The following REM2 variants were observed in gnomAD, a reference collection of about 807,000 sequenced individuals.
REM2 encodes the protein RRAD and GEM like GTPase 2.
A neutral mutation model predicts 24.4 loss-of-function variants in REM2; 24 were observed. That is an observed-to-expected ratio of 0.98 (90% CI 0.71 to 1.38). REM2 has a LOEUF of 1.38. Among genes scored for constraint, REM2 ranks in the 40% most tolerant of loss-of-function variants. The probability of loss-of-function intolerance (pLI) is 0.00; values close to 1 mark genes in which losing one functional copy is unlikely to be tolerated. For missense variants in REM2, 429 were observed against 467.8 expected (o/e 0.92, Z 0.77); for synonymous variants, 187 against 198.0 (o/e 0.94, Z 0.47).
rs753948267 is a variant in REM2, at chr14:22,883,243, G to A, written c.-45G>A. On this transcript the variant is annotated 5_prime_UTR_variant, in exon 1 of 5. Transcript: ENST00000267396. The stretch of plus-strand genomic sequence containing the variant: ...TGCTGAGTGAGGGAGAGGGTGCTGC[G>A]AGCTGCTGGGCTGCACACGCACACG... 12 of 1,049,398 alleles carry A rather than the reference G, an allele frequency of 1.1e-5. No homozygotes were observed. Among genetic ancestry groups the A allele is most frequent in the African/African-American group, 6.4e-5 (4 of 62,742 alleles). 65.0% of individuals were successfully genotyped at this position (1,049,398 alleles called of 1,614,324 possible).
chr14:22,886,454 A>G lies in REM2; in HGVS notation c.728-160A>G. 1 of 738,712 alleles carries G rather than the reference A, an allele frequency of 1.4e-6. No individual in the cohort carries two copies. Among genetic ancestry groups the G allele is most frequent in the Non-Finnish European group, 2.2e-6 (1 of 462,706 alleles). 45.8% of individuals were successfully genotyped at this position (738,712 alleles called of 1,614,324 possible). On this transcript the variant is annotated intron_variant, in intron 4 of 4. Coordinates refer to ENST00000267396, the MANE Select transcript of REM2 (RefSeq NM_173527.3). The surrounding 1 kb of genome is among the most constrained non-coding windows in gnomAD (Gnocchi z 5.9). ...AGGCCTCCTTCTCCCTCTCCTTCGC[A>G]CCTCCACAGACCCACCATATGAGCT...
At chr14:22,885,943 C>T (rs1566499638) in intron 3 of REM2, 81 bp from the exon 4 acceptor site, 1 of 1,188,266 alleles carries the variant, frequency 8.4e-7, no homozygotes, top group Non-Finnish European at 1.3e-6. Context: ...GCCTCACAGC[C>T]CTGTTCCTCC....
rs1420471469 is a variant in REM2 at position 22,886,335 on chromosome 14, ACTTG to A, written c.727+106_727+109del. The A allele has an allele frequency of 1.2e-5, 13 of 1,073,406 alleles. No individual in the cohort carries two copies. Among genetic ancestry groups the A allele is most frequent in the South Asian group, 4.2e-5 (3 of 71,032 alleles). 66.5% of individuals were successfully genotyped at this position (1,073,406 alleles called of 1,614,324 possible). On this transcript the variant is annotated intron_variant, in intron 4 of 4. Transcript: ENST00000267396. The surrounding 1 kb of genome is among the most constrained non-coding windows in gnomAD (Gnocchi z 5.9). ...CCTTTTTACCATCGCGGACGCACTCACTTGCAATCAGACCCAGGCTAGGGGGACA... is the reference window on the plus strand; with the variant it reads ...CCTTTTTACCATCGCGGACGCACTCACAATCAGACCCAGGCTAGGGGGACA...
In REM2 at chr14:22,886,674, A is replaced by G. The variant is rs1394988357; in HGVS notation, c.788A>G (p.His263Arg). ...CACATCGAGACGTCGGCCGCACTGC[A>G]CCACAACACGAGGGAGCTCTTCGAG... is the stretch of plus-strand genomic sequence containing the variant. The part of the protein sequence containing the change: ...CKHIETSAAL[H>R]HNTRELFEGA... Residue 263 changes from histidine to arginine, a missense_variant, in exon 5 of 5, where the codon CAC becomes CGC. By Grantham distance (29) the His-to-Arg change is conservative. Transcript: ENST00000267396. This position sits in a 1 kb window ranked among gnomAD's most constrained non-coding sequence, Gnocchi z 5.9. The G allele has an allele frequency of 6.7e-7, 1 of 1,482,592 alleles. No homozygotes were observed. The allele number at this position is 1,482,592 out of a possible 1,614,324, so 91.8% of individuals were successfully genotyped here.
intron 1 of REM2, chr14:22,884,032 G>A: frequency 8.1e-6 from 8 of 985,078 alleles, no homozygotes; most frequent in Non-Finnish European, 9.6e-6. Flanking sequence ...AATGAGGGAT[G>A]CTCACCTACA....
At chr14:22,883,516 A>C (rs1426846126) in intron 1 of REM2, 126 bp downstream of exon 1, 2 of 814,820 alleles carry the variant, frequency 2.5e-6, no homozygotes, top group East Asian at 5.3e-5. Flanking sequence ...AGAGCAATTG[A>C]GAAAGTGGAG....
rs2040141483 is a variant in REM2 at position 22,887,409 on chromosome 14, A to G, written c.*500A>G. On this transcript the variant is annotated 3_prime_UTR_variant, in exon 5 of 5. Transcript: ENST00000267396. ...CACTTCCTCCAGGGACCTTCCCGAA[A>G]ACGTTCTGGCTCTCATCTGGTGCGG... 6.6e-6 allele frequency: 1 copy of G among 152,128 alleles called. No individual in the cohort carries two copies. Among genetic ancestry groups the G allele is most frequent in the Non-Finnish European group, 1.5e-5 (1 of 68,052 alleles). 9.4% of individuals were successfully genotyped at this position (152,128 alleles called of 1,614,324 possible).
Position 22,886,268 on chromosome 14 carries a change from A to C in REM2, c.727+37A>C. On this transcript the variant is annotated intron_variant, in intron 4 of 4. Coordinates refer to ENST00000267396, the MANE Select transcript of REM2 (RefSeq NM_173527.3). The surrounding 1 kb of genome is among the most constrained non-coding windows in gnomAD (Gnocchi z 5.9). ...GAACAGATTCCATACTTGCGATCTCAGGGGAATGCTCTCCCTTCCAAGTCA... is the reference window on the plus strand; with the variant it reads ...GAACAGATTCCATACTTGCGATCTCCGGGGAATGCTCTCCCTTCCAAGTCA... The C allele has an allele frequency of 6.6e-5, 101 of 1,533,918 alleles. No homozygotes were observed. Among genetic ancestry groups the C allele is most frequent in the Non-Finnish European group, 8.5e-5 (95 of 1,120,534 alleles).
rs1402295947 is a variant in REM2 at position 22,887,107 on chromosome 14, C to T, written c.*198C>T. 1 of 431,248 alleles carries T rather than the reference C, an allele frequency of 2.3e-6. No homozygotes were observed. The highest frequency in any genetic ancestry group is 4.3e-5 in the Admixed American group (1 of 23,290). The allele number at this position is 431,248 out of a possible 1,614,324, so 26.7% of individuals were successfully genotyped here. ...ACCTCCACACCCGCCCCAACGCGTT[C>T]TCTGGAGCTTTGGGCCTCAGGGCGC... On this transcript the variant is annotated 3_prime_UTR_variant, in exon 5 of 5. Coordinates refer to ENST00000267396, the MANE Select transcript of REM2 (RefSeq NM_173527.3).
chr14:22,884,851 C>A lies in REM2; in HGVS notation c.281C>A (p.Ser94Tyr), dbSNP rs1397528245. 13 of 1,613,902 alleles carry A rather than the reference C, an allele frequency of 8.1e-6. No individual in the cohort carries two copies. The highest frequency in any genetic ancestry group is 1.1e-5 in the Non-Finnish European group (13 of 1,179,882). The change falls in exon 2 of 5, where the codon TCC (serine) becomes TAC (tyrosine). Residue 94 changes from serine to tyrosine, a missense_variant. Physicochemically the swap from Ser to Tyr is moderately radical, Grantham distance 144 (BLOSUM62 -2). Transcript: ENST00000267396. ...DELDWPPQAS[S>Y]SGSSDSLGSG... ...CTTGACTGGCCACCTCAGGCCTCAT[C>A]CTCTGGCTCGTCTGACTCCTTGGGC...
At chr14:22,883,847 G>A (rs937915276) in intron 1 of REM2, among the ~76,000 whole-genome samples, 1 of 151,816 alleles carries the variant, frequency 6.6e-6, no homozygotes, top group African/African-American at 2.4e-5. Flanking sequence ...TGTTGTGTCT[G>A]TTGTTCCTCC....
chr14:22,886,972 G>A lies in REM2; in HGVS notation c.*63G>A. 3.2e-6 allele frequency: 4 copies of A among 1,258,752 alleles called. No homozygotes were observed. The highest frequency in any genetic ancestry group is 3.1e-6 in the Non-Finnish European group (3 of 955,310). 78.0% of individuals were successfully genotyped at this position (1,258,752 alleles called of 1,614,324 possible). A position where few individuals can be genotyped will look rare whatever the true frequency, so the allele number is the denominator to read the frequency against. On this transcript the variant is annotated 3_prime_UTR_variant, in exon 5 of 5. Coordinates refer to ENST00000267396, the MANE Select transcript of REM2 (RefSeq NM_173527.3). The surrounding 1 kb of genome is among the most constrained non-coding windows in gnomAD (Gnocchi z 5.9). ...CCGCGCCCTCCGCTCGCCCCCCCTC[G>A]CCCCGCCCCGCCCCCGTCCGGCTTC...
At position 22,883,373 on chromosome 14, in the gene REM2, C is replaced by T. The variant is rs1352910787; in HGVS notation, c.86C>T (p.Pro29Leu). The stretch of plus-strand genomic sequence containing the variant: ...TCTGGCAGCCGCCGGGCCTCCCCTC[C>T]AGGGACGCCCACACCAGGTGAGGGC... ...CPSGSRRASPPGTPTPEADAT... is the reference protein window; with the variant it reads ...CPSGSRRASPLGTPTPEADAT... Residue 29 changes from proline to leucine, a missense_variant, in exon 1 of 5, where the codon CCA (proline) becomes CTA (leucine). Physicochemically the swap from Pro to Leu is moderately conservative, Grantham distance 98. Transcript: ENST00000267396. 1 of 1,554,370 alleles carries T rather than the reference C, an allele frequency of 6.4e-7. No individual in the cohort carries two copies. Among genetic ancestry groups the T allele is most frequent in the Admixed American group, 2.0e-5 (1 of 51,162 alleles).
intron 2 of REM2, 124 bp from the exon 3 acceptor site, chr14:22,885,142 C>A (rs117327312): frequency 7.4e-7 from 1 of 1,354,116 alleles, no homozygotes; most frequent in Admixed American, 2.2e-5. Flanking sequence ...CTTTCTGTGG[C>A]AGCCTCCCTG....
chr14:22,886,240 C>A lies in REM2; in HGVS notation c.727+9C>A. ...GGAGGTATCACTGGAGGGTGTGTAT[C>A]CTGAACAGATTCCATACTTGCGATC... On this transcript the variant is annotated intron_variant, in intron 4 of 4. Coordinates refer to ENST00000267396, the MANE Select transcript of REM2 (RefSeq NM_173527.3). This position sits in a 1 kb window ranked among gnomAD's most constrained non-coding sequence, Gnocchi z 5.9. 6.2e-7 allele frequency: 1 copy of A among 1,604,454 alleles called. No individual in the cohort carries two copies.
intron 3 of REM2, 46 bp from the exon 4 acceptor site, chr14:22,885,978 G>T (rs1183075015): frequency 6.6e-7 from 1 of 1,509,162 alleles, no homozygotes; most frequent in Non-Finnish European, 9.2e-7. Flanking sequence ...GTGCTGGACA[G>T]GATCTCCTAT....
Position 22,884,771 on chromosome 14 carries a change from C to T in REM2, c.201C>T (p.Gly67=), listed in dbSNP as rs17123789. The T allele has an allele frequency of 9.2e-3, 14,832 of 1,614,000 alleles. 1,703 individuals carry two copies. The Admixed American group carries it at 0.21, about 22-fold the overall frequency. ...PSAPGAPRRR[G]SMPVPYKHQL... ...CCCCTGGGGCCCCCAGACGAAGAGG[C>T]AGTATGCCTGTCCCCTACAAGCACC... The change falls in exon 2 of 5, where the codon GGC becomes GGT. Residue 67 remains glycine, a synonymous_variant. Coordinates refer to ENST00000267396, the MANE Select transcript of REM2 (RefSeq NM_173527.3).
Position 22,886,759 on chromosome 14 carries a change from C to G in REM2, c.873C>G (p.Pro291=), listed in dbSNP as rs1470265373. The G allele has an allele frequency of 3.2e-6, 5 of 1,544,888 alleles. No individual in the cohort carries two copies. The highest frequency in any genetic ancestry group is 4.0e-5 in the Admixed American group (2 of 49,782). ...RGRNHAGGQR[P]DPGSPEGPAP... ...GAAACCACGCCGGAGGCCAGAGGCC[C>G]GATCCGGGCAGCCCCGAGGGCCCTG... The change falls in exon 5 of 5, where the codon CCC becomes CCG. Residue 291 remains proline, a synonymous_variant. Transcript: ENST00000267396. The surrounding 1 kb of genome is among the most constrained non-coding windows in gnomAD (Gnocchi z 5.9).
chr14:22,886,382 G>A lies in REM2; in HGVS notation c.727+151G>A. On this transcript the variant is annotated intron_variant, in intron 4 of 4. Transcript: ENST00000267396. This position sits in a 1 kb window ranked among gnomAD's most constrained non-coding sequence, Gnocchi z 5.9. Reference sequence around the variant, plus strand: ...GGGGGACACTCCCAATGCCCCACTCGAGGATCCTGAGAATCCCTTCTTGTC... The same window carrying A: ...GGGGGACACTCCCAATGCCCCACTCAAGGATCCTGAGAATCCCTTCTTGTC... The A allele has an allele frequency of 1.3e-6, 1 of 779,560 alleles. No homozygotes were observed. Among genetic ancestry groups the A allele is most frequent in the Non-Finnish European group, 2.1e-6 (1 of 477,192 alleles). The allele number at this position is 779,560 out of a possible 1,614,324, so 48.3% of individuals were successfully genotyped here.
Sources: gnomAD v4.1 joint callset for allele counts (sites outside exome capture counted in the v4.1 genomes callset) on GRCh38, gnomAD v4.1.1 for gene constraint, Gnocchi (gnomAD v3.1) non-coding constraint, MANE v1.5 for transcripts, NCBI Gene and HGNC (gene_info 2026-07-23, HGNC 2026-07-21) for gene names.